Variants in THEMIS observed in about 807,000 individuals in gnomAD.
THEMIS encodes the protein protein THEMIS.
In THEMIS, 37 loss-of-function variants were observed where a neutral mutation model predicts 52.6. The ratio of observed to expected loss-of-function variants is 0.70; its 90% CI spans 0.54 to 0.93. THEMIS has a LOEUF of 0.93. THEMIS is among the 40% of genes least tolerant of loss of function. The pLI, the probability that THEMIS is intolerant of heterozygous loss-of-function variation, is 0.00. For synonymous variants in THEMIS, 292 were observed against 272.7 expected, an observed-to-expected ratio of 1.07 and a Z score of -0.70; for missense variants, 808 against 763.1, an observed-to-expected ratio of 1.06 and a Z score of -0.69.
intron 1 of THEMIS, among the ~76,000 whole-genome samples, chr6:127,878,251 C>T (rs546345110): frequency 7.2e-5 from 11 of 152,266 alleles, no homozygotes; most frequent in African/African-American, 1.9e-4. Context: ...TATGCTCTAC[C>T]GTTCCAGCTC....
At chr6:127,702,647 A>G in the THEMIS span, among the ~76,000 whole-genome samples, 1 of 149,380 alleles carries the variant, frequency 6.7e-6, no homozygotes, top group Non-Finnish European at 1.5e-5. Context: ...CATATTAATC[A>G]TTGTATTAGT....
At chr6:127,832,689 A>C (rs1778735287) in intron 2 of THEMIS, among the ~76,000 whole-genome samples, 1 of 151,662 alleles carries the variant, frequency 6.6e-6, no homozygotes. Context: ...TTGAGTAATC[A>C]AGTTATTAAA....
downstream of THEMIS, among the ~76,000 whole-genome samples, chr6:127,704,896 T>A (rs191919939): frequency 1.6e-4 from 24 of 152,288 alleles, 1 homozygote; most frequent in East Asian, 3.7e-3. Flanking sequence ...CATGTATGGG[T>A]CAACTTAGTA....
chr6:127,900,613 C>A (rs77463494), intron 1 of THEMIS, among the ~76,000 whole-genome samples: 1 of 152,012 alleles, frequency 6.6e-6, no homozygotes, highest in Non-Finnish European at 1.5e-5. Context: ...GCTCAAGAAG[C>A]TTCACTCAAT....
chr6:127,855,588 T>C (rs117233961), intron 1 of THEMIS, among the ~76,000 whole-genome samples: 225 of 151,984 alleles, frequency 1.5e-3, no homozygotes, highest in Non-Finnish European at 2.0e-3. Flanking sequence ...TGTCATACAA[T>C]TGGAGATGAA....
chr6:127,768,575 T>C (rs930454375), intron 4 of THEMIS, among the ~76,000 whole-genome samples: 1 of 152,236 alleles, frequency 6.6e-6, no homozygotes, highest in Non-Finnish European at 1.5e-5. Flanking sequence ...ATTTCTTTTA[T>C]AAAAGAATAG....
chr6:127,829,051 G>T (rs1778604630), intron 3 of THEMIS, among the ~76,000 whole-genome samples: 3 of 152,272 alleles, frequency 2.0e-5, no homozygotes, highest in South Asian at 4.1e-4. Flanking sequence ...AAGACTGTCA[G>T]AAAAATAGAA....
intron 1 of THEMIS, among the ~76,000 whole-genome samples, chr6:127,866,594 C>T (rs918126750): frequency 3.3e-5 from 5 of 151,920 alleles, no homozygotes; most frequent in Admixed American, 6.6e-5. Flanking sequence ...TGAGCTCACT[C>T]TCCCCATATT....
At chr6:127,761,177 G>T (rs1470659488) in intron 4 of THEMIS, among the ~76,000 whole-genome samples, 1 of 152,070 alleles carries the variant, frequency 6.6e-6, no homozygotes, top group Non-Finnish European at 1.5e-5. Flanking sequence ...CACCTGTCAG[G>T]ATGGTTATTA....
intron 4 of THEMIS, among the ~76,000 whole-genome samples, chr6:127,780,850 G>T (rs561321178): frequency 6.6e-6 from 1 of 152,056 alleles, no homozygotes; most frequent in African/African-American, 2.4e-5. Context: ...CAACCTTGGC[G>T]AATCTGACAA....
chr6:127,828,885 GCAACA>G (rs2114657819), intron 3 of THEMIS, among the ~76,000 whole-genome samples: 1 of 152,150 alleles, frequency 6.6e-6, no homozygotes, highest in South Asian at 2.1e-4. Context: ...CTCCAGCCTG[GCAACA>G]GAGCAAGACT....
chr6:127,885,681 C>A (rs540010518), intron 1 of THEMIS, among the ~76,000 whole-genome samples: 13 of 152,094 alleles, frequency 8.5e-5, no homozygotes, highest in Admixed American at 8.5e-4. Flanking sequence ...ATATTTAATA[C>A]ATCCAAAATA....
chr6:127,703,035 G>GTTTTT, the THEMIS span, among the ~76,000 whole-genome samples: 192 of 82,380 alleles, frequency 2.3e-3, 37 homozygotes, highest in African/African-American at 7.6e-3. Flanking sequence ...TTTAGAATGA[G>GTTTTT]TTTTTTTTTT....
At chr6:127,707,474 G>A (rs1232816279), downstream of THEMIS, among the ~76,000 whole-genome samples, 1 of 152,130 alleles carries the variant, frequency 6.6e-6, no homozygotes, top group Non-Finnish European at 1.5e-5. Context: ...TTGATAGGTA[G>A]CAAGGGCAGG....
At chr6:127,834,819 C>T (rs1399583973) in intron 2 of THEMIS, among the ~76,000 whole-genome samples, 2 of 152,080 alleles carry the variant, frequency 1.3e-5, no homozygotes, top group Non-Finnish European at 2.9e-5. Flanking sequence ...GGATGCTTAA[C>T]AAATTACATA....
At position 127,775,637 on chromosome 6, in the gene THEMIS, CT is replaced by C. The variant is rs1170881603; in HGVS notation, c.1758+37245del. 4.3e-3 allele frequency among the ~76,000 whole-genome samples: 606 copies of C among 140,980 alleles called. 1 individual carries two copies. The highest frequency in any genetic ancestry group is 0.028 in the East Asian group (138 of 4,918). The allele number at this position is 140,980 out of a possible 152,430, so 92.5% of individuals were successfully genotyped here. A position where few individuals can be genotyped will look rare whatever the true frequency, so the allele number is the denominator to read the frequency against. Reference sequence around the variant, plus strand: ...CATCACCACCAAAAATTATTTCATGCTTTTTTTTTTTTTGCAGTGAATGTTC... The same window carrying C: ...CATCACCACCAAAAATTATTTCATGCTTTTTTTTTTTTGCAGTGAATGTTC... On this transcript the variant is annotated intron_variant, in intron 4 of 5. Transcript: ENST00000368248.
chr6:127,850,333 T>C (rs544003672), intron 2 of THEMIS, among the ~76,000 whole-genome samples: 3 of 151,970 alleles, frequency 2.0e-5, no homozygotes, highest in African/African-American at 7.2e-5. Context: ...GAAAACAGTA[T>C]GGAGAGTCCT....
At chr6:127,703,310 G>A (rs548337814), downstream of THEMIS, among the ~76,000 whole-genome samples, 1 of 152,234 alleles carries the variant, frequency 6.6e-6, no homozygotes, top group African/African-American at 2.4e-5. Flanking sequence ...GCCTCCCAAA[G>A]TGCTGGGATT....
intron 4 of THEMIS, among the ~76,000 whole-genome samples, chr6:127,768,680 T>G (rs1336243501): frequency 6.6e-6 from 1 of 152,258 alleles, no homozygotes; most frequent in Non-Finnish European, 1.5e-5. Flanking sequence ...GAATTACTTA[T>G]GCATTCAGAC....
Sources: allele counts gnomAD v4.1 joint callset (sites outside exome capture counted in the v4.1 genomes callset), GRCh38; gene constraint gnomAD v4.1.1; transcripts MANE v1.5; gene names NCBI Gene and HGNC (gene_info 2026-07-23, HGNC 2026-07-21).